The following TMEM184B variants were observed in gnomAD, a reference collection of about 807,000 sequenced individuals.
TMEM184B encodes the protein putative MAPK-activating protein FM08.
In TMEM184B, 17 loss-of-function variants were observed where a neutral mutation model predicts 41.8. That is an observed-to-expected ratio of 0.41 (90% CI 0.28 to 0.61). The LOEUF (loss-of-function observed/expected upper bound fraction) is 0.61, where lower values mean the gene tolerates loss of function less well. TMEM184B is among the 20% of genes least tolerant of loss of function. The probability of loss-of-function intolerance (pLI) is 0.34; values close to 1 mark genes in which losing one functional copy is unlikely to be tolerated. For synonymous variants in TMEM184B, 240 were observed against 229.5 expected, an observed-to-expected ratio of 1.05 and a Z score of -0.41; for missense variants, 393 against 557.8, an observed-to-expected ratio of 0.70 and a Z score of 2.98.
chr22:38,233,092 G>C (rs1041019804), intron 3 of TMEM184B, among the ~76,000 whole-genome samples: 1 of 152,234 alleles, frequency 6.6e-6, no homozygotes, highest in African/African-American at 2.4e-5. Flanking sequence ...GACTGAACTG[G>C]AGCGTGGAAA....
intron 1 of TMEM184B, among the ~76,000 whole-genome samples, chr22:38,267,029 G>C (rs1268141262): frequency 2.0e-5 from 3 of 151,006 alleles, no homozygotes; most frequent in Non-Finnish European, 4.4e-5. Context: ...CTTGCAGTGA[G>C]CCGAAATCGC....
intron 3 of TMEM184B, among the ~76,000 whole-genome samples, chr22:38,234,223 T>C (rs1299851272): frequency 6.6e-6 from 1 of 152,194 alleles, no homozygotes; most frequent in East Asian, 1.9e-4. Context: ...GGAAGAGGCC[T>C]CTTTCCTCTG....
rs1158904529 is a variant in TMEM184B at position 38,225,020 on chromosome 22, C to A, written c.788-41G>T. On this transcript the variant is annotated intron_variant, in intron 7 of 8. Transcript: ENST00000361906. The surrounding 1 kb of genome is among the most constrained non-coding windows in gnomAD (Gnocchi z 4.4). ...CGGGTGTCTGGACCCAGAATGATTC[C>A]TTTCCTGCTCCCCCTTCTTCCACAA... is the stretch of plus-strand genomic sequence containing the variant. 6.0e-6 allele frequency: 9 copies of A among 1,495,738 alleles called. No individual in the cohort carries two copies. Among genetic ancestry groups the A allele is most frequent in the Non-Finnish European group, 8.0e-6 (9 of 1,121,422 alleles). The allele number at this position is 1,495,738 out of a possible 1,614,324, so 92.7% of individuals were successfully genotyped here.
chr22:38,268,997 G>A (rs943975890), intron 1 of TMEM184B, among the ~76,000 whole-genome samples: 4 of 152,258 alleles, frequency 2.6e-5, no homozygotes, highest in African/African-American at 7.2e-5. Flanking sequence ...GGCCAGCCAC[G>A]TGACAGCCAC....
rs968630452 is a variant in TMEM184B at position 38,272,728 on chromosome 22, G to A, written c.-59+156C>T. On this transcript the variant is annotated intron_variant, in intron 1 of 8. Coordinates refer to ENST00000361906, the MANE Select transcript of TMEM184B (RefSeq NM_012264.5). ...GGAGACGGATGCCCCCTCCCTCCGC[G>A]GCCGCACCGGCCTCCGTAGTGCCCT... The A allele has an allele frequency of 6.1e-6, 6 of 985,228 alleles. No homozygotes were observed. In the African/African-American group the frequency reaches 8.7e-5, roughly 14 times the overall value. 61.0% of individuals were successfully genotyped at this position (985,228 alleles called of 1,614,324 possible).
chr22:38,272,184 G>C (rs922611359), intron 1 of TMEM184B, among the ~76,000 whole-genome samples: 2 of 152,206 alleles, frequency 1.3e-5, no homozygotes, highest in Admixed American at 1.3e-4. Context: ...CCAACCCCCA[G>C]CATAACTGCC....
At chr22:38,222,558 G>A in intron 8 of TMEM184B, 2 of 982,558 alleles carry the variant, frequency 2.0e-6, no homozygotes, top group Non-Finnish European at 2.4e-6. Flanking sequence ...AGGACACGGA[G>A]AAGAGCTACA....
At chr22:38,257,279 T>A (rs2092297787) in intron 1 of TMEM184B, among the ~76,000 whole-genome samples, 1 of 152,178 alleles carries the variant, frequency 6.6e-6, no homozygotes, top group Non-Finnish European at 1.5e-5. Context: ...TTGTTAAGAA[T>A]TTTAAAATAA....
rs770382706 is a variant in TMEM184B, at chr22:38,225,405, G to A, written c.787+19C>T. The A allele has an allele frequency of 3.2e-6, 5 of 1,541,110 alleles. No homozygotes were observed. The highest frequency in any genetic ancestry group is 4.4e-6 in the Non-Finnish European group (5 of 1,147,636). Reference sequence around the variant, plus strand: ...ACAGGGTGGCATGGGCAGCCTCCAGGTGCTGGGAGGGGGCTCACCTTGCCA... The same window carrying A: ...ACAGGGTGGCATGGGCAGCCTCCAGATGCTGGGAGGGGGCTCACCTTGCCA... On this transcript the variant is annotated intron_variant, in intron 7 of 8. Coordinates refer to ENST00000361906, the MANE Select transcript of TMEM184B (RefSeq NM_012264.5). The surrounding 1 kb of genome is among the most constrained non-coding windows in gnomAD (Gnocchi z 4.4).
intron 3 of TMEM184B, among the ~76,000 whole-genome samples, chr22:38,237,518 C>A (rs1191629731): frequency 2.0e-5 from 3 of 152,256 alleles, no homozygotes; most frequent in Non-Finnish European, 4.4e-5. Context: ...CCTTCTGCTG[C>A]AGAGAAACAC....
Position 38,225,364 on chromosome 22 carries a change from G to A in TMEM184B, c.787+60C>T. The A allele has an allele frequency of 1.3e-6, 2 of 1,498,692 alleles. No homozygotes were observed. The highest frequency in any genetic ancestry group is 2.3e-5 in the Admixed American group (1 of 42,606). 92.8% of individuals were successfully genotyped at this position (1,498,692 alleles called of 1,614,324 possible). A position where few individuals can be genotyped will look rare whatever the true frequency, so the allele number is the denominator to read the frequency against. On this transcript the variant is annotated intron_variant, in intron 7 of 8. Coordinates refer to ENST00000361906, the MANE Select transcript of TMEM184B (RefSeq NM_012264.5). This position sits in a 1 kb window ranked among gnomAD's most constrained non-coding sequence, Gnocchi z 4.4. Reference sequence around the variant, plus strand: ...CCAGGGACCATAAGCAGAAGGGGCAGCAGGAAGCGCAGAGGACAGGGTGGC... The same window carrying A: ...CCAGGGACCATAAGCAGAAGGGGCAACAGGAAGCGCAGAGGACAGGGTGGC...
chr22:38,225,102 T>C lies in TMEM184B; in HGVS notation c.788-123A>G. 8.6e-7 allele frequency: 1 copy of C among 1,158,674 alleles called. No homozygotes were observed. The highest frequency in any genetic ancestry group is 2.8e-5 in the Admixed American group (1 of 35,900). The allele number at this position is 1,158,674 out of a possible 1,614,324, so 71.8% of individuals were successfully genotyped here. On this transcript the variant is annotated intron_variant, in intron 7 of 8. Transcript: ENST00000361906. The surrounding 1 kb of genome is among the most constrained non-coding windows in gnomAD (Gnocchi z 4.4). ...AGGATGTGAGCAGGGCCACAGCTGCTCCTGCAGGGCAGGGGTAGCGACACA... is the reference window on the plus strand; with the variant it reads ...AGGATGTGAGCAGGGCCACAGCTGCCCCTGCAGGGCAGGGGTAGCGACACA...
rs191306683 is a variant in TMEM184B at position 38,261,051 on chromosome 22, C to T, written c.-59+11833G>A. Among the ~76,000 whole-genome samples the T allele has an allele frequency of 5.1e-4, 77 of 152,296 alleles. 2 individuals carry two copies. The highest frequency in any genetic ancestry group is 1.6e-3 in the African/African-American group (65 of 41,560). On this transcript the variant is annotated intron_variant, in intron 1 of 8. Coordinates refer to ENST00000361906, the MANE Select transcript of TMEM184B (RefSeq NM_012264.5). ...ATAACTCGCTGGTTGGGGTCAGACTCGAGCACTGTTCATCTGAACTGACCG... is the reference window on the plus strand; with the variant it reads ...ATAACTCGCTGGTTGGGGTCAGACTTGAGCACTGTTCATCTGAACTGACCG...
In TMEM184B at chr22:38,259,480, G is replaced by A. The variant is rs974810891; in HGVS notation, c.-58-11461C>T. 2.6e-5 allele frequency among the ~76,000 whole-genome samples: 4 copies of A among 152,246 alleles called. No homozygotes were observed. In the East Asian group the frequency reaches 5.8e-4, roughly 22 times the overall value. ...TCGTAGGAGGAAGGCAGGAGGTAGA[G>A]AGCGAGAAGAGGGCAGCGTGACAAA... On this transcript the variant is annotated intron_variant, in intron 1 of 8. Coordinates refer to ENST00000361906, the MANE Select transcript of TMEM184B (RefSeq NM_012264.5).
chr22:38,241,904 A>AAAAAAAAAAAAAAAAAAAC (rs1267704010), intron 3 of TMEM184B, among the ~76,000 whole-genome samples: 4 of 150,060 alleles, frequency 2.7e-5, no homozygotes, highest in Admixed American at 6.6e-5. Context: ...AAAAAAAAAA[A>AAAAAAAAAAAAAAAAAAAC]AAAGAACGAG....
At chr22:38,221,810 C>A (rs1465209827) in intron 8 of TMEM184B, 100 bp from the exon 9 acceptor site, 2 of 1,500,770 alleles carry the variant, frequency 1.3e-6, no homozygotes, top group East Asian at 2.3e-5. Context: ...CACCCCCCAA[C>A]CCAAAGCTAT....
Position 38,262,151 on chromosome 22 carries a change from C to A in TMEM184B, c.-59+10733G>T, listed in dbSNP as rs150596524. Among the ~76,000 whole-genome samples, 985 of 152,332 alleles carry A rather than the reference C, an allele frequency of 6.5e-3. 13 individuals are homozygous for A. The highest frequency in any genetic ancestry group is 0.023 in the African/African-American group (938 of 41,570). On this transcript the variant is annotated intron_variant, in intron 1 of 8. Coordinates refer to ENST00000361906, the MANE Select transcript of TMEM184B (RefSeq NM_012264.5). ...GTGCTGCGGGAAGGCAGCCAGACAC[C>A]GAGGAGTCCGTTCTGTACACTCTGT...
In TMEM184B at chr22:38,219,530, A is replaced by G. The variant is rs549606294; in HGVS notation, c.*1939T>C. 3 of 661,884 alleles carry G rather than the reference A, an allele frequency of 4.5e-6. No homozygotes were observed. Among genetic ancestry groups the G allele is most frequent in the Non-Finnish European group, 5.6e-6 (3 of 535,238 alleles). 41.0% of individuals were successfully genotyped at this position (661,884 alleles called of 1,614,324 possible). A position where few individuals can be genotyped will look rare whatever the true frequency, so the allele number is the denominator to read the frequency against. Reference sequence around the variant, plus strand: ...GCTACTCTACCTGGAAAGAAAATTAAAAAAAAAAAAGACAAGGTAGGTTAT... The same window carrying G: ...GCTACTCTACCTGGAAAGAAAATTAGAAAAAAAAAAGACAAGGTAGGTTAT... On this transcript the variant is annotated 3_prime_UTR_variant, in exon 9 of 9. Transcript: ENST00000361906.
intron 1 of TMEM184B, among the ~76,000 whole-genome samples, chr22:38,251,721 G>GGACGTT (rs1461386907): frequency 3.3e-5 from 5 of 152,172 alleles, no homozygotes; most frequent in African/African-American, 1.2e-4. Flanking sequence ...ACCTGGCACA[G>GGACGTT]CCTGTGGACC....
Sources: allele counts gnomAD v4.1 joint callset (sites outside exome capture counted in the v4.1 genomes callset), GRCh38; gene constraint gnomAD v4.1.1; non-coding constraint Gnocchi (gnomAD v3.1); transcripts MANE v1.5; gene names NCBI Gene and HGNC (gene_info 2026-07-23, HGNC 2026-07-21).